Variants in ANKS1B observed in about 807,000 individuals in gnomAD.
The protein encoded by ANKS1B is ankyrin repeat and sterile alpha motif domain-containing protein 1B.
Under a neutral mutation model 148.3 loss-of-function variants are expected in ANKS1B, and 36 were observed. That is an observed-to-expected ratio of 0.24 (90% CI 0.19 to 0.32). The LOEUF (loss-of-function observed/expected upper bound fraction) is 0.32. ANKS1B is among the 10% of genes least tolerant of loss of function. The probability of loss-of-function intolerance (pLI) is 1.00; values close to 1 mark genes in which losing one functional copy is unlikely to be tolerated. For missense variants in ANKS1B, 1,157 were observed against 1,542.6 expected (o/e 0.75, Z 4.19); for synonymous variants, 542 against 560.8 (o/e 0.97, Z 0.47).
chr12:99,782,791 T>C (rs1176039335), intron 4 of ANKS1B, among the ~76,000 whole-genome samples: 2 of 152,188 alleles, frequency 1.3e-5, no homozygotes, highest in Non-Finnish European at 2.9e-5. Flanking sequence ...CCTCATATAT[T>C]CACATTCTAT....
At chr12:98,980,355 C>T (rs948879866) in intron 17 of ANKS1B, among the ~76,000 whole-genome samples, 2 of 152,172 alleles carry the variant, frequency 1.3e-5, no homozygotes, top group South Asian at 4.1e-4. Flanking sequence ...CACCCGCCAC[C>T]ACGCCCAGCT....
At chr12:98,778,690 A>T (rs146519356) in intron 24 of ANKS1B, among the ~76,000 whole-genome samples, 1 of 152,172 alleles carries the variant, frequency 6.6e-6, no homozygotes, top group Non-Finnish European at 1.5e-5. Context: ...TGATCCTTCA[A>T]CTGTGGATCC....
chr12:99,199,301 T>C (rs1291488738), intron 14 of ANKS1B, among the ~76,000 whole-genome samples: 2 of 152,222 alleles, frequency 1.3e-5, no homozygotes, highest in African/African-American at 2.4e-5. Context: ...AATAGATAAC[T>C]AGTATTCTGC....
chr12:99,646,440 G>A lies in ANKS1B; in HGVS notation c.1272+8627C>T, dbSNP rs1019144451. Among the ~76,000 whole-genome samples, 11 of 151,974 alleles carry A rather than the reference G, an allele frequency of 7.2e-5. No individual in the cohort carries two copies. The South Asian group carries it at 8.3e-4, about 11-fold the overall frequency. On this transcript the variant is annotated intron_variant, in intron 9 of 26. Transcript: ENST00000683438. ...TGGGGGGCCAAGGCGGGCGAATCAC[G>A]AGGTCAGGAGTTCGAGACCAGCCTG...
intron 17 of ANKS1B, among the ~76,000 whole-genome samples, chr12:99,047,293 G>C (rs981356127): frequency 2.0e-5 from 3 of 152,080 alleles, no homozygotes; most frequent in Non-Finnish European, 4.4e-5. Context: ...CCAGCTACTT[G>C]AGAGGCTGAG....
chr12:98,978,948 C>A (rs2099903459), intron 17 of ANKS1B, among the ~76,000 whole-genome samples: 1 of 151,952 alleles, frequency 6.6e-6, no homozygotes, highest in African/African-American at 2.4e-5. Context: ...TTGAGAACAT[C>A]CTGGCTAACA....
intron 12 of ANKS1B, among the ~76,000 whole-genome samples, chr12:99,255,850 T>C (rs1332884561): frequency 6.6e-6 from 1 of 152,204 alleles, no homozygotes; most frequent in Non-Finnish European, 1.5e-5. Context: ...CTTTGACATG[T>C]TGAAACTTGC....
At chr12:99,280,172 A>G (rs78701762) in intron 12 of ANKS1B, among the ~76,000 whole-genome samples, 179 of 146,938 alleles carry the variant, frequency 1.2e-3, no homozygotes, top group African/African-American at 4.0e-3. Flanking sequence ...GTGTGTGTGT[A>G]TGTGTGTGTG....
chr12:99,535,625 C>T (rs2097057855), intron 9 of ANKS1B, among the ~76,000 whole-genome samples: 1 of 152,108 alleles, frequency 6.6e-6, no homozygotes, highest in African/African-American at 2.4e-5. Context: ...TGCCAAGGCT[C>T]TACTTTGAGC....
chr12:99,086,846 G>A (rs999320809), intron 15 of ANKS1B, among the ~76,000 whole-genome samples: 1 of 152,108 alleles, frequency 6.6e-6, no homozygotes, highest in South Asian at 2.1e-4. Flanking sequence ...AAAAACGCAA[G>A]AATAGAAATG....
At chr12:99,293,029 C>T (rs891669375) in intron 12 of ANKS1B, among the ~76,000 whole-genome samples, 7 of 152,150 alleles carry the variant, frequency 4.6e-5, no homozygotes, top group South Asian at 4.1e-4. Flanking sequence ...ACAAATCATG[C>T]TACTATAAAG....
intron 9 of ANKS1B, among the ~76,000 whole-genome samples, chr12:99,537,335 C>T (rs1322937316): frequency 2.6e-5 from 4 of 152,128 alleles, no homozygotes; most frequent in South Asian, 4.1e-4. Context: ...GAGGAACCTC[C>T]ATATTATCCT....
chr12:99,714,964 CAAA>C (rs34960410), intron 8 of ANKS1B, among the ~76,000 whole-genome samples: 1 of 124,382 alleles, frequency 8.0e-6, no homozygotes, highest in Non-Finnish European at 1.7e-5. Flanking sequence ...ATTAAAAATA[CAAA>C]AAAAAAAAAA....
intron 17 of ANKS1B, among the ~76,000 whole-genome samples, chr12:98,923,445 T>C (rs1281766080): frequency 6.6e-6 from 1 of 152,180 alleles, no homozygotes; most frequent in African/African-American, 2.4e-5. Context: ...ATAGTCTACT[T>C]GATGTGTGAA....
chr12:99,423,097 G>A (rs778060407), intron 11 of ANKS1B, among the ~76,000 whole-genome samples: 1 of 152,178 alleles, frequency 6.6e-6, no homozygotes, highest in Non-Finnish European at 1.5e-5. Context: ...AGGTATCTGT[G>A]AAGAGTAAAA....
At chr12:99,399,452 T>C (rs1484980454) in intron 12 of ANKS1B, among the ~76,000 whole-genome samples, 179 bp downstream of exon 12, 2 of 152,210 alleles carry the variant, frequency 1.3e-5, no homozygotes, top group East Asian at 1.9e-4. Context: ...AGGCCATCCA[T>C]GTATTCAAAA....
At chr12:99,496,519 T>C (rs2096606176) in intron 10 of ANKS1B, among the ~76,000 whole-genome samples, 1 of 152,228 alleles carries the variant, frequency 6.6e-6, no homozygotes. Flanking sequence ...AAGCAAGTGC[T>C]AGACTACTGT....
intron 14 of ANKS1B, among the ~76,000 whole-genome samples, chr12:99,179,626 T>C (rs2153849252): frequency 6.6e-6 from 1 of 152,122 alleles, no homozygotes; most frequent in East Asian, 1.9e-4. Flanking sequence ...CTTAGTATAT[T>C]AGCTCTAGGA....
rs139939348 is a variant in ANKS1B at position 99,757,515 on chromosome 12, T to C, written c.1128+15407A>G. ...GGAGTGTAAATTAGTTCAACCATTA[T>C]AGAAGACAGTACGGTGATTCCTCAA... On this transcript the variant is annotated intron_variant, in intron 8 of 26. Coordinates refer to ENST00000683438, the MANE Select transcript of ANKS1B (RefSeq NM_001352186.2). Among the ~76,000 whole-genome samples the C allele has an allele frequency of 3.5e-3, 540 of 152,226 alleles. 19 individuals carry two copies. In the South Asian group the frequency reaches 0.053, roughly 15 times the overall value.
Sources: gnomAD v4.1 joint callset for allele counts (sites outside exome capture counted in the v4.1 genomes callset) on GRCh38, gnomAD v4.1.1 for gene constraint, MANE v1.5 for transcripts, NCBI Gene and HGNC (gene_info 2026-07-23, HGNC 2026-07-21) for gene names.